MCHR2: variants seen among roughly 807,000 people sequenced by gnomAD.
MCHR2 encodes melanin-concentrating hormone receptor 2.
In MCHR2, 15 loss-of-function variants were observed where a neutral mutation model predicts 24.8. That is an observed-to-expected ratio of 0.60 (90% CI 0.40 to 0.93). The LOEUF is 0.93. Ranked by LOEUF, MCHR2 falls within the 40% of genes least tolerant of loss-of-function variation. The pLI is 0.00. For synonymous variants in MCHR2, 151 were observed against 147.6 expected (o/e 1.02, Z -0.17); for missense variants, 386 against 408.7 (o/e 0.94, Z 0.48).
intron 1 of MCHR2, among the ~76,000 whole-genome samples, chr6:99,971,597 G>A (rs1315314256): frequency 1.3e-5 from 2 of 152,074 alleles, no homozygotes; most frequent in African/African-American, 2.4e-5. Flanking sequence ...CCAACACTAT[G>A]TTGAATGGGA....
chr6:99,948,443 G>A (rs1774913811), intron 2 of MCHR2, among the ~76,000 whole-genome samples: 1 of 152,108 alleles, frequency 6.6e-6, no homozygotes, highest in African/African-American at 2.4e-5. Context: ...TTAACAACCA[G>A]TCAGCACCAG....
intron 5 of MCHR2, among the ~76,000 whole-genome samples, chr6:99,923,415 C>T (rs1347178868): frequency 3.3e-5 from 5 of 151,902 alleles, no homozygotes; most frequent in Non-Finnish European, 7.4e-5. Flanking sequence ...TAGCTAGGAC[C>T]TCAGTACTAT....
intron 5 of MCHR2, among the ~76,000 whole-genome samples, chr6:99,923,392 T>C (rs1011856783): frequency 6.6e-6 from 1 of 152,164 alleles, no homozygotes; most frequent in African/African-American, 2.4e-5. Flanking sequence ...TTCTTTCTTT[T>C]GTCTGATTGC....
chr6:99,980,547 A>ATG (rs10677779), intron 1 of MCHR2, among the ~76,000 whole-genome samples: 83,238 of 150,350 alleles, frequency 0.55, 23,126 homozygotes, highest in African/African-American at 0.61. Flanking sequence ...GTGAAAGCAT[A>ATG]TGTGTGTGTG....
At chr6:99,944,638 C>A (rs1774840733) in intron 3 of MCHR2, among the ~76,000 whole-genome samples, 1 of 152,072 alleles carries the variant, frequency 6.6e-6, no homozygotes, top group South Asian at 2.1e-4. Flanking sequence ...GAGGGAAGGG[C>A]CTCTTTTCTC....
intron 1 of MCHR2, among the ~76,000 whole-genome samples, chr6:99,973,313 T>C (rs1775472808): frequency 6.6e-6 from 1 of 152,016 alleles, no homozygotes; most frequent in Non-Finnish European, 1.5e-5. Flanking sequence ...TTTACCATTA[T>C]GTAATGGCCT....
intron 1 of MCHR2, among the ~76,000 whole-genome samples, chr6:99,974,416 C>CT (rs1201002821): frequency 6.6e-6 from 1 of 152,210 alleles, no homozygotes; most frequent in African/African-American, 2.4e-5. Context: ...CCATCAGCTC[C>CT]TTTAAGGACT....
Position 99,942,954 on chromosome 6 carries a change from T to A in MCHR2, c.582A>T (p.Val194=). 1.2e-6 allele frequency: 2 copies of A among 1,610,312 alleles called. No individual in the cohort carries two copies. The highest frequency in any genetic ancestry group is 2.7e-5 in the African/African-American group (2 of 74,814). ...CAFDLTSPDD[V]LWYTLYLTIT... is the part of the protein sequence containing the mutation. ...CTTAAGTTTTCACAACTTACCAGAG[T>A]ACATCGTCAGGGGATGTCAAATCAA... The change falls in exon 4 of 6, where the codon GTA becomes GTT. Residue 194 remains valine, a synonymous_variant. Coordinates refer to ENST00000281806, the MANE Select transcript of MCHR2 (RefSeq NM_001040179.2).
intron 2 of MCHR2, 29 bp downstream of exon 2, chr6:99,955,937 A>G (rs202081703): frequency 2.8e-5 from 6 of 214,150 alleles, no homozygotes; most frequent in South Asian, 1.3e-4. Flanking sequence ...GTATGGAAGG[A>G]AAAAAAAAAA....
At chr6:99,952,922 A>G (rs1359101346) in intron 2 of MCHR2, among the ~76,000 whole-genome samples, 2 of 152,190 alleles carry the variant, frequency 1.3e-5, no homozygotes, top group South Asian at 2.1e-4. Flanking sequence ...CACATTATGT[A>G]TAAAATGATA....
At chr6:99,974,821 C>G (rs12189906) in intron 1 of MCHR2, among the ~76,000 whole-genome samples, 18,192 of 152,254 alleles carry the variant, frequency 0.12, 1,200 homozygotes, top group African/African-American at 0.15. Context: ...TAGAGGTCCA[C>G]TCCAGATGCT....
chr6:99,973,132 C>G (rs1775467443), intron 1 of MCHR2, among the ~76,000 whole-genome samples: 1 of 151,690 alleles, frequency 6.6e-6, no homozygotes, highest in Non-Finnish European at 1.5e-5. Context: ...GACTTTCTGT[C>G]TCGTTGATCT....
chr6:99,919,713 GT>G lies in MCHR2; in HGVS notation c.*1226del, dbSNP rs1554192559. The stretch of plus-strand genomic sequence containing the variant: ...CTGTAACCAAAAGGGAATGTTTCTT[GT>G]TTTTTTTTTTGTTTGTTTTGTTTTT... On this transcript the variant is annotated 3_prime_UTR_variant, in exon 6 of 6. Coordinates refer to ENST00000281806, the MANE Select transcript of MCHR2 (RefSeq NM_001040179.2). 4.6e-4 allele frequency among the ~76,000 whole-genome samples: 63 copies of G among 137,428 alleles called. No individual in the cohort carries two copies. The highest frequency in any genetic ancestry group is 9.1e-4 in the Admixed American group (12 of 13,234). 90.2% of individuals were successfully genotyped at this position (137,428 alleles called of 152,430 possible). A position where few individuals can be genotyped will look rare whatever the true frequency, so the allele number is the denominator to read the frequency against.
chr6:99,969,331 G>A (rs905236915), intron 1 of MCHR2, among the ~76,000 whole-genome samples: 2 of 151,640 alleles, frequency 1.3e-5, no homozygotes, highest in Non-Finnish European at 2.9e-5. Context: ...AAAATTAGTC[G>A]GACATGGTGG....
chr6:99,935,102 T>A (rs1016501400), intron 4 of MCHR2, among the ~76,000 whole-genome samples: 4 of 152,072 alleles, frequency 2.6e-5, no homozygotes, highest in Non-Finnish European at 4.4e-5. Flanking sequence ...TAGATGTATA[T>A]CATTTCAGAG....
At chr6:99,968,164 C>G (rs1775329318) in intron 1 of MCHR2, among the ~76,000 whole-genome samples, 2 of 152,054 alleles carry the variant, frequency 1.3e-5, no homozygotes. Flanking sequence ...GGGTATGGAA[C>G]CCTGGGATGG....
chr6:99,921,358 G>A (rs1774227030), intron 5 of MCHR2, 103 bp from the exon 6 acceptor site: 5 of 939,338 alleles, frequency 5.3e-6, no homozygotes, highest in East Asian at 4.9e-5. Context: ...GCTTTGTAGT[G>A]AAATATGAAG....
At chr6:99,965,561 G>T (rs1421532814) in intron 1 of MCHR2, among the ~76,000 whole-genome samples, 2 of 151,900 alleles carry the variant, frequency 1.3e-5, no homozygotes, top group African/African-American at 4.8e-5. Context: ...TCATTTCATT[G>T]TTTAGACAAT....
chr6:99,991,573 C>A (rs1562138867), intron 1 of MCHR2, among the ~76,000 whole-genome samples: 1 of 151,900 alleles, frequency 6.6e-6, no homozygotes, highest in Non-Finnish European at 1.5e-5. Context: ...TTTGGGAGGC[C>A]GAGGCAGGTG....
Sources: gnomAD v4.1 joint callset for allele counts (sites outside exome capture counted in the v4.1 genomes callset) on GRCh38, gnomAD v4.1.1 for gene constraint, MANE v1.5 for transcripts, NCBI Gene and HGNC (gene_info 2026-07-23, HGNC 2026-07-21) for gene names.